The following DDX1 variants were observed in gnomAD, a reference collection of about 807,000 sequenced individuals.
DDX1 encodes DEAD-box helicase 1, also known as ATP-dependent RNA helicase DDX1.
In DDX1, 28 loss-of-function variants were observed where a neutral mutation model predicts 108.7. The ratio of observed to expected loss-of-function variants is 0.26; its 90% confidence interval spans 0.19 to 0.35. DDX1 has a LOEUF of 0.35. Ranked by LOEUF, DDX1 falls within the 10% of genes least tolerant of loss-of-function variation. The probability of loss-of-function intolerance (pLI) is 1.00; values close to 1 mark genes in which losing one functional copy is unlikely to be tolerated. For missense variants in DDX1, 710 were observed against 884.5 expected (o/e 0.80, Z 2.50); for synonymous variants, 295 against 288.9 (o/e 1.02, Z -0.21).
intron 8 of DDX1, 82 bp from the exon 9 acceptor site, chr2:15,603,732 T>C (rs1419996477): frequency 4.4e-6 from 4 of 914,662 alleles, no homozygotes; most frequent in Non-Finnish European, 6.7e-6. Context: ...GGACATACTA[T>C]GTGAATAAAA....
At position 15,629,786 on chromosome 2, in the gene DDX1, C is replaced by T. The variant is rs190602885; in HGVS notation, c.1971+89C>T. Reference sequence around the variant, plus strand: ...TCAAAAATTATATCTTGGCTTTTATCTGTTTGTCACTTATAAGGGAAAGTC... The same window carrying T: ...TCAAAAATTATATCTTGGCTTTTATTTGTTTGTCACTTATAAGGGAAAGTC... On this transcript the variant is annotated intron_variant, in intron 24 of 25. Coordinates refer to ENST00000233084, the MANE Select transcript of DDX1 (RefSeq NM_004939.3). The T allele has an allele frequency of 3.9e-5, 44 of 1,114,848 alleles. No individual in the cohort carries two copies. In the East Asian group the frequency reaches 1.0e-3, roughly 26 times the overall value. 69.1% of individuals were successfully genotyped at this position (1,114,848 alleles called of 1,614,324 possible). A position where few individuals can be genotyped will look rare whatever the true frequency, so the allele number is the denominator to read the frequency against.
At chr2:15,607,395 A>G (rs1303500564) in intron 13 of DDX1, 82 bp downstream of exon 13, 1 of 1,330,198 alleles carries the variant, frequency 7.5e-7, no homozygotes, top group Non-Finnish European at 1.1e-6. Context: ...GAGAAAAATG[A>G]AGTAGAAATT....
chr2:15,592,336 A>G (rs1396078977), intron 1 of DDX1, among the ~76,000 whole-genome samples: 1 of 152,172 alleles, frequency 6.6e-6, no homozygotes, highest in Non-Finnish European at 1.5e-5. Flanking sequence ...CCCGCGGCTC[A>G]TCTGGGCTTG....
intron 3 of DDX1, 65 bp from the exon 4 acceptor site, chr2:15,596,669 G>C: frequency 4.5e-6 from 6 of 1,323,574 alleles, no homozygotes; most frequent in Non-Finnish European, 6.5e-6. Context: ...ACATACTATG[G>C]TGTTAGTTTG....
In DDX1 at chr2:15,630,783, C is replaced by T; in HGVS notation, c.2100C>T (p.Ser700=). ...TATTTGTGTGTGATGCAGGTGGAAG[C>T]TATAAAGGCCATGTGGATATTTTGG... ...YGQKRAAGGG[S]YKGHVDILAP... is the part of the protein sequence containing the mutation. Residue 700 remains serine (S), a synonymous_variant, in exon 26 of 26, where the codon AGC becomes AGT. Coordinates refer to ENST00000233084, the MANE Select transcript of DDX1 (RefSeq NM_004939.3). 6.2e-7 allele frequency: 1 copy of T among 1,613,302 alleles called. No individual in the cohort carries two copies. Among genetic ancestry groups the T allele is most frequent in the Non-Finnish European group, 8.5e-7 (1 of 1,179,464 alleles).
chr2:15,598,309 T>C (rs549943544), intron 5 of DDX1, among the ~76,000 whole-genome samples: 1 of 152,294 alleles, frequency 6.6e-6, no homozygotes, highest in Non-Finnish European at 1.5e-5. Context: ...AGATAATTGA[T>C]GTAACTATTT....
In DDX1 at chr2:15,607,204, C is replaced by G; in HGVS notation, c.847C>G (p.Leu283Val). 6.2e-7 allele frequency: 1 copy of G among 1,614,054 alleles called. No individual in the cohort carries two copies. Among genetic ancestry groups the G allele is most frequent in the Non-Finnish European group, 8.5e-7 (1 of 1,179,934 alleles). ...GNAQVTQTKF[L>V]PNAPKALIVE... ...TGCACAGGTGACACAAACAAAGTTTCTCCCCAATGCTCCGAAAGCTCTCAT... is the reference window on the plus strand; with the variant it reads ...TGCACAGGTGACACAAACAAAGTTTGTCCCCAATGCTCCGAAAGCTCTCAT... Residue 283 changes from leucine (L) to valine (V), a missense_variant, in exon 13 of 26, where the codon CTC becomes GTC. Coordinates refer to ENST00000233084, the MANE Select transcript of DDX1 (RefSeq NM_004939.3).
chr2:15,606,192 T>C lies in DDX1; in HGVS notation c.745T>C (p.Phe249Leu). Residue 249 changes from phenylalanine to leucine, a missense_variant, in exon 12 of 26, where the codon TTT becomes CTT. Transcript: ENST00000233084. ...TAACTTCGGTGAAGAGGAATTTAAG[T>C]TTCCACCAAAAGATGGCTTTGTTGC... is the stretch of plus-strand genomic sequence containing the variant. The part of the protein sequence containing the change: ...KFNFGEEEFK[F>L]PPKDGFVALS... The C allele has an allele frequency of 1.2e-6, 2 of 1,614,112 alleles. No individual in the cohort carries two copies. The highest frequency in any genetic ancestry group is 1.7e-4 in the Middle Eastern group (1 of 6,060).
Position 15,603,904 on chromosome 2 carries a change from T to C in DDX1, c.552+14T>C, listed in dbSNP as rs371545709. 1.9e-6 allele frequency: 3 copies of C among 1,561,184 alleles called. No homozygotes were observed. Among genetic ancestry groups the C allele is most frequent in the East Asian group, 2.2e-5 (1 of 44,482 alleles). On this transcript the variant is annotated intron_variant, in intron 9 of 25. Coordinates refer to ENST00000233084, the MANE Select transcript of DDX1 (RefSeq NM_004939.3). ...AATTATGGAGAGGTAAGCGATTATG[T>C]TATGACTTCAACATAGCATAAGTAA...
At chr2:15,620,563 C>G (rs1050917778) in intron 17 of DDX1, among the ~76,000 whole-genome samples, 167 bp downstream of exon 17, 1 of 152,176 alleles carries the variant, frequency 6.6e-6, no homozygotes, top group Non-Finnish European at 1.5e-5. Flanking sequence ...GTGATGGACT[C>G]CATCTTTTGT....
chr2:15,619,500 G>A lies in DDX1; in HGVS notation c.1207-708G>A, dbSNP rs12476498. ...TTGCTGCCGCTGCTCATGTCTCCCC[G>A]CTGCAGCCAGCTTGATGGCAGCAGC... On this transcript the variant is annotated intron_variant, in intron 16 of 25. Coordinates refer to ENST00000233084, the MANE Select transcript of DDX1 (RefSeq NM_004939.3). Among the ~76,000 whole-genome samples, 587 of 152,328 alleles carry A rather than the reference G, an allele frequency of 3.9e-3. 15 individuals carry two copies. Among genetic ancestry groups the A allele is most frequent in the Admixed American group, 0.035 (529 of 15,304 alleles).
At chr2:15,608,527 CAAAA>C (rs201822266) in intron 13 of DDX1, among the ~76,000 whole-genome samples, 8 of 93,954 alleles carry the variant, frequency 8.5e-5, no homozygotes, top group East Asian at 2.4e-4. Context: ...GACTCCGTCT[CAAAA>C]AAAAAAAAAA....
At chr2:15,599,087 A>G (rs1029976120) in intron 5 of DDX1, 5 of 152,226 alleles carry the variant, frequency 3.3e-5, no homozygotes, top group African/African-American at 1.2e-4. Context: ...TAGAGAGCAC[A>G]CTGAAGCAAG....
At chr2:15,606,659 A>C (rs1262164496) in intron 12 of DDX1, among the ~76,000 whole-genome samples, 1 of 152,230 alleles carries the variant, frequency 6.6e-6, no homozygotes, top group Admixed American at 6.5e-5. Flanking sequence ...AGAGCAAATA[A>C]GTGGTAGAAC....
intron 4 of DDX1, 73 bp downstream of exon 4, chr2:15,596,836 T>C: frequency 8.7e-7 from 1 of 1,144,100 alleles, no homozygotes; most frequent in Non-Finnish European, 1.3e-6. Context: ...TAGTTTTTAC[T>C]TTGAAATATT....
At chr2:15,620,820 A>G (rs1665992398) in intron 17 of DDX1, among the ~76,000 whole-genome samples, 1 of 152,168 alleles carries the variant, frequency 6.6e-6, no homozygotes, top group South Asian at 2.1e-4. Flanking sequence ...TATTATAAAT[A>G]TACAATATTT....
intron 25 of DDX1, 40 bp downstream of exon 25, chr2:15,630,150 A>G: frequency 6.2e-7 from 1 of 1,605,628 alleles, no homozygotes; most frequent in East Asian, 2.2e-5. Context: ...TTAAATGTAA[A>G]TATACCTGTT....
At chr2:15,596,156 G>A (rs1665493750) in intron 3 of DDX1, among the ~76,000 whole-genome samples, 1 of 152,158 alleles carries the variant, frequency 6.6e-6, no homozygotes, top group Non-Finnish European at 1.5e-5. Flanking sequence ...CAAAGTGCTG[G>A]AGTTATAAGT....
chr2:15,625,685 A>G (rs1464201625), intron 19 of DDX1, among the ~76,000 whole-genome samples: 1 of 152,164 alleles, frequency 6.6e-6, no homozygotes, highest in East Asian at 1.9e-4. Flanking sequence ...GAAAATATAA[A>G]TATTGGAAAA....
Sources: gnomAD v4.1 joint callset for allele counts (sites outside exome capture counted in the v4.1 genomes callset) on GRCh38, gnomAD v4.1.1 for gene constraint, MANE v1.5 for transcripts, NCBI Gene and HGNC (gene_info 2026-07-23, HGNC 2026-07-21) for gene names.